Variants in AASS observed in about 807,000 individuals in gnomAD.
AASS encodes the protein aminoadipate-semialdehyde synthase, also known as alpha-aminoadipic semialdehyde synthase, mitochondrial.
Under a neutral mutation model 105.4 loss-of-function variants are expected in AASS, and 86 were observed. The observed-to-expected ratio is 0.82, with a 90% CI of 0.69 to 0.98. The LOEUF (loss-of-function observed/expected upper bound fraction) is 0.98, where lower values mean the gene tolerates loss of function less well. AASS is among the 50% of genes least tolerant of loss of function. AASS has a pLI of 0.00. For synonymous variants in AASS, 381 were observed against 394.8 expected (o/e 0.96, Z 0.41); for missense variants, 1,048 against 1,143.2 (o/e 0.92, Z 1.20).
Position 122,104,876 on chromosome 7 carries a change from A to G in AASS, c.1279-3196T>C, listed in dbSNP as rs12539712. ...TTCATTTGTGCTCCAAACCCCAGTG[A>G]CATGCAATTTACTCATGTAATAAAA... On this transcript the variant is annotated intron_variant, in intron 11 of 23. Transcript: ENST00000417368. 6.0e-3 allele frequency among the ~76,000 whole-genome samples: 915 copies of G among 152,128 alleles called. 16 individuals are homozygous for G. Among genetic ancestry groups the G allele is most frequent in the African/African-American group, 0.02 (819 of 41,518 alleles).
chr7:122,113,818 C>T lies in AASS; in HGVS notation c.1044-98G>A, dbSNP rs1316509947. 3.6e-6 allele frequency: 5 copies of T among 1,401,380 alleles called. No individual in the cohort carries two copies. The Admixed American group carries it at 9.0e-5, about 25-fold the overall frequency. The allele number at this position is 1,401,380 out of a possible 1,614,324, so 86.8% of individuals were successfully genotyped here. A position where few individuals can be genotyped will look rare whatever the true frequency, so the allele number is the denominator to read the frequency against. ...TTTGGAACAATTTTCAATGTGGATCCCAAATATTTTCCAGGCTTTTGGGGT... is the reference window on the plus strand; with the variant it reads ...TTTGGAACAATTTTCAATGTGGATCTCAAATATTTTCCAGGCTTTTGGGGT... On this transcript the variant is annotated intron_variant, in intron 9 of 23. Coordinates refer to ENST00000417368, the MANE Select transcript of AASS (RefSeq NM_005763.4).
At chr7:122,134,962 A>G (rs1436632674) in intron 1 of AASS, among the ~76,000 whole-genome samples, 1 of 152,180 alleles carries the variant, frequency 6.6e-6, no homozygotes, top group Non-Finnish European at 1.5e-5. Flanking sequence ...GGATGAGTTC[A>G]TGTCCTTTGT....
chr7:122,126,603 C>A, intron 3 of AASS, 144 bp from the exon 4 acceptor site: 1 of 720,892 alleles, frequency 1.4e-6, no homozygotes, highest in Non-Finnish European at 2.4e-6. Context: ...TCAGGTATAC[C>A]ATGAAATATT....
intron 13 of AASS, among the ~76,000 whole-genome samples, chr7:122,099,756 C>G (rs1794339071): frequency 6.6e-6 from 1 of 151,550 alleles, no homozygotes; most frequent in Non-Finnish European, 1.5e-5. Context: ...ACCCAAAAAA[C>G]TTTTCATTAA....
At chr7:122,093,212 A>G (rs1365758263) in intron 15 of AASS, 54 bp from the exon 16 acceptor site, 2 of 1,295,480 alleles carry the variant, frequency 1.5e-6, no homozygotes, top group Non-Finnish European at 1.1e-6. Flanking sequence ...TCTACTTTCT[A>G]AGGTACTTGA....
At position 122,078,884 on chromosome 7, in the gene AASS, A is replaced by T; in HGVS notation, c.2463T>A (p.His821Gln). The T allele has an allele frequency of 6.2e-7, 1 of 1,614,088 alleles. No homozygotes were observed. The highest frequency in any genetic ancestry group is 8.5e-7 in the Non-Finnish European group (1 of 1,179,996). The change falls in exon 22 of 24, where the codon CAT becomes CAA. Residue 821 changes from histidine to glutamine, a missense_variant. His to Gln is a conservative substitution (Grantham distance 24, BLOSUM62 0). Coordinates refer to ENST00000417368, the MANE Select transcript of AASS (RefSeq NM_005763.4). ...TACCATAGGAAAGCTTCATGACCAA[A>T]TGCTTGGAGAGGGCATCCAGAATGG... is the stretch of plus-strand genomic sequence containing the variant. ...AESILDALSK[H>Q]LVMKLSYGPE...
chr7:122,097,787 A>C (rs1425333198), intron 15 of AASS, among the ~76,000 whole-genome samples: 1 of 152,002 alleles, frequency 6.6e-6, no homozygotes, highest in East Asian at 1.9e-4. Context: ...TAAGTATATA[A>C]AACATTAATA....
chr7:122,078,509 G>A (rs937331399), intron 22 of AASS, among the ~76,000 whole-genome samples: 6 of 150,948 alleles, frequency 4.0e-5, no homozygotes, highest in African/African-American at 1.5e-4. Context: ...CTACTCGGGA[G>A]GCTGAGGCAG....
intron 11 of AASS, 43 bp from the exon 12 acceptor site, chr7:122,101,723 A>C: frequency 7.1e-7 from 1 of 1,402,764 alleles, no homozygotes; most frequent in Non-Finnish European, 1.0e-6. Flanking sequence ...TGACACTGCA[A>C]AGAAGGCCTC....
At chr7:122,101,731 C>T (rs1410863654) in intron 11 of AASS, 51 bp from the exon 12 acceptor site, 1 of 1,347,190 alleles carries the variant, frequency 7.4e-7, no homozygotes, top group Admixed American at 1.7e-5. Context: ...CAAAGAAGGC[C>T]TCTTGGTGTT....
intron 18 of AASS, 35 bp from the exon 19 acceptor site, chr7:122,086,214 A>T (rs1793616516): frequency 6.2e-7 from 1 of 1,609,280 alleles, no homozygotes; most frequent in Middle Eastern, 1.7e-4. Context: ...ATGGGGTTAC[A>T]GCTGTTCCTT....
At chr7:122,093,382 C>T (rs971589856) in intron 15 of AASS, among the ~76,000 whole-genome samples, 2 of 152,208 alleles carry the variant, frequency 1.3e-5, no homozygotes, top group African/African-American at 4.8e-5. Context: ...TATCATTCGA[C>T]TTAGCAATCG....
intron 3 of AASS, among the ~76,000 whole-genome samples, chr7:122,128,088 T>C (rs1219505033): frequency 2.0e-5 from 3 of 152,202 alleles, no homozygotes; most frequent in Non-Finnish European, 4.4e-5. Flanking sequence ...CCTTTTTTCA[T>C]ATTCCACCTT....
chr7:122,139,798 A>C (rs1434034339), intron 1 of AASS, among the ~76,000 whole-genome samples: 1 of 152,118 alleles, frequency 6.6e-6, no homozygotes, highest in Non-Finnish European at 1.5e-5. Context: ...CTAAAAATAC[A>C]AAAATTAACT....
intron 15 of AASS, among the ~76,000 whole-genome samples, chr7:122,093,367 T>C (rs1427770601): frequency 6.6e-6 from 1 of 152,208 alleles, no homozygotes; most frequent in Non-Finnish European, 1.5e-5. Context: ...AGCTAAAGGT[T>C]GAACTATCAT....
chr7:122,082,116 T>C (rs755914347), intron 19 of AASS, among the ~76,000 whole-genome samples: 2 of 152,164 alleles, frequency 1.3e-5, no homozygotes, highest in African/African-American at 4.8e-5. Flanking sequence ...CCCCAAGATA[T>C]ATGGAGAGCA....
intron 18 of AASS, among the ~76,000 whole-genome samples, chr7:122,089,973 A>G (rs1011878527): frequency 1.3e-5 from 2 of 152,212 alleles, no homozygotes; most frequent in Admixed American, 6.5e-5. Flanking sequence ...TTGGAATGCA[A>G]TAGGAGATAG....
At position 122,076,174 on chromosome 7, in the gene AASS, A is replaced by AAC. The variant is rs575663064; in HGVS notation, c.*314_*315insGT. ...GGGTGACAGAGCGAGACTCCATCTCAAAAAACAACAACAACAAAAAAAAAA... is the reference window on the plus strand; with the variant it reads ...GGGTGACAGAGCGAGACTCCATCTCAACAAAAACAACAACAACAAAAAAAAAA... On this transcript the variant is annotated 3_prime_UTR_variant, in exon 24 of 24. Transcript: ENST00000417368. 190 of 303,306 alleles carry AAC rather than the reference A, an allele frequency of 6.3e-4. 1 individual carries two copies. Among genetic ancestry groups the AAC allele is most frequent in the Admixed American group, 2.3e-3 (47 of 20,720 alleles). The allele number at this position is 303,306 out of a possible 1,614,324, so 18.8% of individuals were successfully genotyped here. A position where few individuals can be genotyped will look rare whatever the true frequency, so the allele number is the denominator to read the frequency against.
At chr7:122,136,444 T>C (rs1052904199) in intron 1 of AASS, among the ~76,000 whole-genome samples, 12 of 152,222 alleles carry the variant, frequency 7.9e-5, no homozygotes, top group South Asian at 2.1e-4. Flanking sequence ...AAAATATGCA[T>C]GCAAAATAGA....
Sources: gnomAD v4.1 joint callset for allele counts (sites outside exome capture counted in the v4.1 genomes callset) on GRCh38, gnomAD v4.1.1 for gene constraint, MANE v1.5 for transcripts, NCBI Gene and HGNC (gene_info 2026-07-23, HGNC 2026-07-21) for gene names.